UBE2Z: variants seen among roughly 807,000 people sequenced by gnomAD.
UBE2Z encodes the protein ubiquitin conjugating enzyme E2 Z.
Under a neutral mutation model 32.6 loss-of-function variants are expected in UBE2Z, and 10 were observed. The ratio of observed to expected loss-of-function variants is 0.31; its 90% CI spans 0.19 to 0.52. The LOEUF is 0.52. UBE2Z is among the 20% of genes least tolerant of loss of function. The probability of loss-of-function intolerance (pLI) is 0.97; values close to 1 mark genes in which losing one functional copy is unlikely to be tolerated. For synonymous variants in UBE2Z, 183 were observed against 190.8 expected (o/e 0.96, Z 0.34); for missense variants, 343 against 480.9 (o/e 0.71, Z 2.68).
chr17:48,924,023 T>A (rs1045814943), intron 6 of UBE2Z, among the ~76,000 whole-genome samples: 2 of 152,180 alleles, frequency 1.3e-5, no homozygotes, highest in African/African-American at 2.4e-5. Context: ...GCCCAGCTAA[T>A]TTTTTGTGTT....
intron 4 of UBE2Z, among the ~76,000 whole-genome samples, chr17:48,919,240 T>C (rs1251654559): frequency 2.0e-5 from 3 of 152,116 alleles, no homozygotes; most frequent in African/African-American, 7.2e-5. Context: ...TGCCTCGGCC[T>C]CCCAAAGTGC....
At chr17:48,910,550 A>T (rs995715643) in intron 1 of UBE2Z, 3 of 393,230 alleles carry the variant, frequency 7.6e-6, no homozygotes, top group Admixed American at 3.7e-5. Flanking sequence ...TGCCATTGGG[A>T]TCTCTGATTT....
rs1468432103 is a variant in UBE2Z, at chr17:48,908,761, G to A, written c.258G>A (p.Thr86=). The A allele has an allele frequency of 2.0e-6, 3 of 1,502,602 alleles. No homozygotes were observed. Among genetic ancestry groups the A allele is most frequent in the Non-Finnish European group, 2.7e-6 (3 of 1,130,488 alleles). The allele number at this position is 1,502,602 out of a possible 1,614,324, so 93.1% of individuals were successfully genotyped here. ...CGCTGCTTAGCCACTGGGACCCCACGCTCAGCTCCGACTGGGACGGCGAGC... is the reference window on the plus strand; with the variant it reads ...CGCTGCTTAGCCACTGGGACCCCACACTCAGCTCCGACTGGGACGGCGAGC... ...GAALLSHWDP[T]LSSDWDGERT... Residue 86 remains threonine (T), a synonymous_variant, in exon 1 of 7, where the codon ACG becomes ACA. Coordinates refer to ENST00000360943, the MANE Select transcript of UBE2Z (RefSeq NM_023079.5).
intron 3 of UBE2Z, 163 bp from the exon 4 acceptor site, chr17:48,915,913 A>G: frequency 9.8e-6 from 3 of 305,418 alleles, no homozygotes; most frequent in Non-Finnish European, 1.8e-5. Flanking sequence ...ATTTCTGGTG[A>G]AATCAGAACA....
At chr17:48,921,583 T>C (rs2143772147) in intron 5 of UBE2Z, among the ~76,000 whole-genome samples, 1 of 152,318 alleles carries the variant, frequency 6.6e-6, no homozygotes, top group East Asian at 1.9e-4. Context: ...CATTTCTTAG[T>C]GCTGAAGTTA....
intron 5 of UBE2Z, 150 bp downstream of exon 5, chr17:48,921,422 A>T: frequency 1.5e-6 from 1 of 652,240 alleles, no homozygotes. Context: ...GCTGAGGGTT[A>T]CCCAAGAGGA....
chr17:48,921,657 T>G (rs2040759332), intron 5 of UBE2Z, among the ~76,000 whole-genome samples: 1 of 152,154 alleles, frequency 6.6e-6, no homozygotes, highest in Non-Finnish European at 1.5e-5. Context: ...TAGGAGAATT[T>G]TGAGTAAGGT....
chr17:48,908,868 C>T (rs1166593206), intron 1 of UBE2Z, 48 bp downstream of exon 1: 2 of 1,324,300 alleles, frequency 1.5e-6, no homozygotes, highest in Admixed American at 2.9e-5. Context: ...GGGGCTCGAC[C>T]TTCCCCGCCC....
intron 4 of UBE2Z, among the ~76,000 whole-genome samples, chr17:48,918,103 A>AT (rs1404308267): frequency 6.7e-6 from 1 of 149,336 alleles, no homozygotes; most frequent in Admixed American, 6.7e-5. Context: ...CACCTGGCTA[A>AT]TTTTTTGTAT....
intron 3 of UBE2Z, among the ~76,000 whole-genome samples, chr17:48,914,909 T>G (rs1021061582): frequency 3.9e-5 from 6 of 152,116 alleles, no homozygotes; most frequent in Non-Finnish European, 8.8e-5. Flanking sequence ...TAGTCCCAGC[T>G]ACTCGGGAGG....
At chr17:48,919,403 T>C (rs1221927062) in intron 4 of UBE2Z, among the ~76,000 whole-genome samples, 1 of 152,208 alleles carries the variant, frequency 6.6e-6, no homozygotes, top group Non-Finnish European at 1.5e-5. Flanking sequence ...CACACCATAG[T>C]GAGACCCTGT....
intron 6 of UBE2Z, among the ~76,000 whole-genome samples, chr17:48,925,942 T>C (rs2040794889): frequency 6.6e-6 from 1 of 152,210 alleles, no homozygotes. Flanking sequence ...TTGTGTACCT[T>C]TTGGGGGCTG....
chr17:48,919,209 C>T (rs564627131), intron 4 of UBE2Z, among the ~76,000 whole-genome samples: 3 of 151,408 alleles, frequency 2.0e-5, no homozygotes, highest in African/African-American at 2.4e-5. Flanking sequence ...TGGTCTCCAC[C>T]TCCTGACCTT....
chr17:48,920,995 A>G (rs138330620), intron 4 of UBE2Z, among the ~76,000 whole-genome samples, 165 bp from the exon 5 acceptor site: 1 of 152,252 alleles, frequency 6.6e-6, no homozygotes, highest in East Asian at 1.9e-4. Flanking sequence ...AATGGTGTCA[A>G]AAATAAAGGT....
chr17:48,915,868 C>CG (rs1332045482), intron 3 of UBE2Z: 3 of 315,380 alleles, frequency 9.5e-6, no homozygotes, highest in South Asian at 4.7e-5. Flanking sequence ...TTCTTTTGCC[C>CG]CCCCCCCTTG....
Position 48,912,716 on chromosome 17 carries a change from G to GTCCAT in UBE2Z, c.391-118_391-117insTCCAT. On this transcript the variant is annotated intron_variant, in intron 2 of 6. Transcript: ENST00000360943. ...GTTCCTTCTGCATGGTGAGGATATA[G>GTCCAT]AACATGTGTACCAGATTATGGACTC... The GTCCAT allele has an allele frequency of 4.8e-6, 5 of 1,051,710 alleles. No individual in the cohort carries two copies. The Admixed American group carries it at 1.0e-4, about 21-fold the overall frequency. The allele number at this position is 1,051,710 out of a possible 1,614,324, so 65.1% of individuals were successfully genotyped here. A position where few individuals can be genotyped will look rare whatever the true frequency, so the allele number is the denominator to read the frequency against.
At chr17:48,923,359 G>C (rs1488386508) in intron 6 of UBE2Z, among the ~76,000 whole-genome samples, 1 of 146,864 alleles carries the variant, frequency 6.8e-6, no homozygotes, top group Non-Finnish European at 1.5e-5. Flanking sequence ...AGCCAGGCGC[G>C]GTGGCTCACG....
chr17:48,908,449 G>C lies in UBE2Z; in HGVS notation c.-55G>C. 8.2e-7 allele frequency: 1 copy of C among 1,218,650 alleles called. No individual in the cohort carries two copies. Among genetic ancestry groups the C allele is most frequent in the Non-Finnish European group, 1.0e-6 (1 of 977,532 alleles). The allele number at this position is 1,218,650 out of a possible 1,614,324, so 75.5% of individuals were successfully genotyped here. A position where few individuals can be genotyped will look rare whatever the true frequency, so the allele number is the denominator to read the frequency against. Reference sequence around the variant, plus strand: ...GGTGGTGCGGGAGCGGGCGGGAGCAGCGGCCGCTCTGGTCGGCGGACGTGC... The same window carrying C: ...GGTGGTGCGGGAGCGGGCGGGAGCACCGGCCGCTCTGGTCGGCGGACGTGC... On this transcript the variant is annotated 5_prime_UTR_variant, in exon 1 of 7. Transcript: ENST00000360943.
chr17:48,908,875 G>GCCCCCCACCCTCTCCCACTACAACTCA, intron 1 of UBE2Z, 55 bp downstream of exon 1: 2 of 1,165,822 alleles, frequency 1.7e-6, no homozygotes, highest in Non-Finnish European at 2.1e-6. Flanking sequence ...GACCTTCCCC[G>GCCCCCCACCCTCTCCCACTACAACTCA]CCCCCCACCC....
Sources: gnomAD v4.1 joint callset for allele counts (sites outside exome capture counted in the v4.1 genomes callset) on GRCh38, gnomAD v4.1.1 for gene constraint, MANE v1.5 for transcripts, NCBI Gene and HGNC (gene_info 2026-07-23, HGNC 2026-07-21) for gene names.